ATP8A2: variants seen among roughly 807,000 people sequenced by gnomAD.
The protein encoded by ATP8A2 is phospholipid-transporting ATPase IB.
Under a neutral mutation model 165.6 loss-of-function variants are expected in ATP8A2, and 100 were observed. The ratio of observed to expected loss-of-function variants is 0.60; its 90% CI spans 0.51 to 0.71. The LOEUF (loss-of-function observed/expected upper bound fraction) is 0.71. Among genes scored for constraint, ATP8A2 ranks in the 30% least tolerant of loss-of-function variants. The probability of loss-of-function intolerance (pLI) is 0.00; values close to 1 mark genes in which losing one functional copy is unlikely to be tolerated. For synonymous variants in ATP8A2, 543 were observed against 548.8 expected, an observed-to-expected ratio of 0.99 and a Z score of 0.15; for missense variants, 1,227 against 1,479.5, an observed-to-expected ratio of 0.83 and a Z score of 2.80.
At chr13:25,924,759 G>C (rs952131578) in intron 33 of ATP8A2, among the ~76,000 whole-genome samples, 1 of 152,156 alleles carries the variant, frequency 6.6e-6, no homozygotes, top group South Asian at 2.1e-4. Flanking sequence ...CATGTGTCAT[G>C]GGAGGACCCG....
At chr13:25,586,409 C>T (rs1026763224) in intron 23 of ATP8A2, among the ~76,000 whole-genome samples, 9 of 152,188 alleles carry the variant, frequency 5.9e-5, no homozygotes, top group Middle Eastern at 3.4e-3. Flanking sequence ...TTCTGTGTGG[C>T]GAGGGTTCCT....
At chr13:25,747,529 G>C (rs546189608) in intron 25 of ATP8A2, among the ~76,000 whole-genome samples, 4 of 152,252 alleles carry the variant, frequency 2.6e-5, no homozygotes, top group South Asian at 2.1e-4. Flanking sequence ...AGAACAGTAC[G>C]TGCTGGAGTG....
At chr13:25,752,101 A>G (rs900054611) in intron 25 of ATP8A2, among the ~76,000 whole-genome samples, 1 of 151,920 alleles carries the variant, frequency 6.6e-6, no homozygotes, top group African/African-American at 2.4e-5. Context: ...CGTAAAGGCA[A>G]TCTGAATACA....
intron 1 of ATP8A2, among the ~76,000 whole-genome samples, chr13:25,376,813 T>C (rs556050219): frequency 6.6e-6 from 1 of 152,370 alleles, no homozygotes; most frequent in South Asian, 2.1e-4. Context: ...GAGGACCTCA[T>C]AGTCATCACA....
chr13:25,698,613 G>A (rs2042885033), intron 24 of ATP8A2, among the ~76,000 whole-genome samples: 1 of 152,002 alleles, frequency 6.6e-6, no homozygotes, highest in African/African-American at 2.4e-5. Flanking sequence ...ATGCTTTTAA[G>A]GCTGGTAGTA....
At chr13:25,710,395 G>A (rs1376916064) in intron 25 of ATP8A2, among the ~76,000 whole-genome samples, 7 of 152,116 alleles carry the variant, frequency 4.6e-5, no homozygotes, top group Admixed American at 1.3e-4. Flanking sequence ...GTTTGTACCC[G>A]TTAGCCAACC....
At chr13:25,901,231 A>G (rs1953737336) in intron 33 of ATP8A2, among the ~76,000 whole-genome samples, 3 of 152,194 alleles carry the variant, frequency 2.0e-5, no homozygotes, top group Non-Finnish European at 4.4e-5. Flanking sequence ...GGGCCGATGA[A>G]TAGTGCTGGG....
chr13:25,383,670 T>G (rs956224434), intron 1 of ATP8A2, among the ~76,000 whole-genome samples: 2 of 152,230 alleles, frequency 1.3e-5, no homozygotes, highest in Admixed American at 1.3e-4. Flanking sequence ...TTTGAAATTA[T>G]ACATTTAAAT....
At position 25,959,621 on chromosome 13, in the gene ATP8A2, A is replaced by G. The variant is rs1371843614; in HGVS notation, c.3184-1954A>G. ...TGGTGCTTCCTTTCCCACAACCACC[A>G]TGACAGATCCTCTATGAGATGTTAT... On this transcript the variant is annotated intron_variant, in intron 33 of 36. Transcript: ENST00000381655. Among the ~76,000 whole-genome samples, 6 of 152,334 alleles carry G rather than the reference A, an allele frequency of 3.9e-5. No individual in the cohort carries two copies. The East Asian group carries it at 9.6e-4, about 24-fold the overall frequency.
chr13:25,657,903 G>A (rs2041968759), intron 24 of ATP8A2, among the ~76,000 whole-genome samples: 1 of 152,202 alleles, frequency 6.6e-6, no homozygotes, highest in Admixed American at 6.5e-5. Context: ...AAATATTTGG[G>A]AGACCTGTCT....
intron 2 of ATP8A2, among the ~76,000 whole-genome samples, chr13:25,514,144 C>G (rs1277868438): frequency 6.6e-6 from 1 of 152,122 alleles, no homozygotes; most frequent in Non-Finnish European, 1.5e-5. Flanking sequence ...TTTTCACTTC[C>G]TTTTTTGCAA....
In ATP8A2 at chr13:25,961,560, T is replaced by A. The variant is rs1955660146; in HGVS notation, c.3184-15T>A. 1 of 1,597,948 alleles carries A rather than the reference T, an allele frequency of 6.3e-7. No homozygotes were observed. Among genetic ancestry groups the A allele is most frequent in the Non-Finnish European group, 8.6e-7 (1 of 1,165,392 alleles). ...GAGAAAGTATTCAAGCAAGTGTCAC[T>A]TCTATTTCTTGCAGGCAACTATGGT... On this transcript the variant is annotated splice_polypyrimidine_tract_variant and intron_variant, in intron 33 of 36. Coordinates refer to ENST00000381655, the MANE Select transcript of ATP8A2 (RefSeq NM_016529.6).
chr13:25,971,769 T>C (rs1038138785), intron 35 of ATP8A2, among the ~76,000 whole-genome samples: 5 of 151,860 alleles, frequency 3.3e-5, no homozygotes, highest in African/African-American at 7.3e-5. Context: ...TGCTTGAGAG[T>C]ACAGCTAACA....
chr13:25,481,319 T>G (rs1395764274), intron 2 of ATP8A2, among the ~76,000 whole-genome samples: 2 of 152,186 alleles, frequency 1.3e-5, no homozygotes, highest in Non-Finnish European at 2.9e-5. Context: ...CAGTTTCTCT[T>G]GTAACTAGCG....
chr13:25,930,668 G>A (rs375778351), intron 33 of ATP8A2, among the ~76,000 whole-genome samples: 8 of 151,310 alleles, frequency 5.3e-5, no homozygotes, highest in African/African-American at 1.9e-4. Context: ...ACCTTATGTG[G>A]TTTTTTTTTC....
At chr13:25,994,376 T>G (rs1317744880) in intron 35 of ATP8A2, among the ~76,000 whole-genome samples, 1 of 152,126 alleles carries the variant, frequency 6.6e-6, no homozygotes, top group Non-Finnish European at 1.5e-5. Flanking sequence ...TTCCTTTTCT[T>G]GTGTTATTGC....
In ATP8A2 at chr13:25,796,611, C is replaced by CG. The variant is rs560374110; in HGVS notation, c.2679+21652_2679+21653insG. On this transcript the variant is annotated intron_variant, in intron 27 of 36. Transcript: ENST00000381655. ...GGCCTAGCTTCCTAAAGGACTGTCT[C>CG]AGATCTTCAGCACTAGCCCAGAGGG... is the stretch of plus-strand genomic sequence containing the variant. Among the ~76,000 whole-genome samples, 1,048 of 152,314 alleles carry CG rather than the reference C, an allele frequency of 6.9e-3. 16 individuals carry two copies. Among genetic ancestry groups the CG allele is most frequent in the African/African-American group, 0.024 (1,009 of 41,564 alleles).
intron 2 of ATP8A2, among the ~76,000 whole-genome samples, chr13:25,504,898 C>T (rs2036982337): frequency 6.6e-6 from 1 of 152,120 alleles, no homozygotes. Flanking sequence ...TAAATCTTTG[C>T]TTGGGTCAGT....
At chr13:25,968,524 C>T (rs1339449155) in intron 34 of ATP8A2, 51 bp from the exon 35 acceptor site, 2 of 1,518,722 alleles carry the variant, frequency 1.3e-6, no homozygotes, top group South Asian at 1.2e-5. Flanking sequence ...TCTTTCCCAG[C>T]TGTGTCAAGT....
Sources: allele counts gnomAD v4.1 joint callset (sites outside exome capture counted in the v4.1 genomes callset), GRCh38; gene constraint gnomAD v4.1.1; transcripts MANE v1.5; gene names NCBI Gene and HGNC (gene_info 2026-07-23, HGNC 2026-07-21).